The following CELF2 variants were observed in gnomAD, a reference collection of about 807,000 sequenced individuals.
CELF2 encodes the protein CUGBP Elav-like family member 2, also known as CUG triplet repeat RNA-binding protein 2.
CELF2 carries 8 observed loss-of-function variants against 62.6 expected under a neutral mutation model. The observed-to-expected ratio is 0.13, with a 90% CI of 0.07 to 0.23. The LOEUF is 0.23. Among genes scored for constraint, CELF2 ranks in the 10% least tolerant of loss-of-function variants. The pLI is 1.00. For synonymous variants in CELF2, 258 were observed against 250.0 expected (o/e 1.03, Z -0.30); for missense variants, 333 against 671.0 (o/e 0.50, Z 5.56).
intron 5 of CELF2, among the ~76,000 whole-genome samples, chr10:11,258,470 G>C (rs1166640233): frequency 6.6e-6 from 1 of 152,170 alleles, no homozygotes; most frequent in Non-Finnish European, 1.5e-5. Context: ...AAGATTGTAG[G>C]CACTTCTTTG....
In CELF2 at chr10:11,311,624, T is replaced by C. The variant is rs761434569; in HGVS notation, c.977-2515T>C. Among the ~76,000 whole-genome samples the C allele has an allele frequency of 1.3e-4, 20 of 152,102 alleles. No homozygotes were observed. Among genetic ancestry groups the C allele is most frequent in the Non-Finnish European group, 2.8e-4 (19 of 68,020 alleles). On this transcript the variant is annotated intron_variant, in intron 9 of 12. Transcript: ENST00000633077. The surrounding 1 kb of genome is among the most constrained non-coding windows in gnomAD (Gnocchi z 4.7). ...TGAAAAGCGAAAAAGCCACTGATTATGAAAAATGACCAATCATGTTGATAA... is the reference window on the plus strand; with the variant it reads ...TGAAAAGCGAAAAAGCCACTGATTACGAAAAATGACCAATCATGTTGATAA...
In CELF2 at chr10:11,275,071, C is replaced by T. The variant is rs773778927; in HGVS notation, c.792C>T (p.Ala264=). 2 of 1,614,194 alleles carry T rather than the reference C, an allele frequency of 1.2e-6. No individual in the cohort carries two copies. The highest frequency in any genetic ancestry group is 3.3e-5 in the Admixed American group (2 of 60,038). Residue 264 remains alanine, a synonymous_variant, in exon 8 of 13, where the codon GCC becomes GCT. Transcript: ENST00000633077. Reference sequence around the variant, plus strand: ...TTCATCCGCAGCTCCTGCAGCAGGCCACCTCCTCCAGCAACCTGGGTGCGT... The same window carrying T: ...TTCATCCGCAGCTCCTGCAGCAGGCTACCTCCTCCAGCAACCTGGGTGCGT... ...TPQYLALLQQ[A]TSSSNLGAFS... is the part of the protein sequence containing the mutation.
At position 11,319,248 on chromosome 10, in the gene CELF2, T is replaced by A. The variant is rs1267215528; in HGVS notation, c.1097-1941T>A. On this transcript the variant is annotated intron_variant, in intron 10 of 12. Coordinates refer to ENST00000633077, the MANE Select transcript of CELF2 (RefSeq NM_001326342.2). This position sits in a 1 kb window ranked among gnomAD's most constrained non-coding sequence, Gnocchi z 4.4. ...AGACCAACAGAATTTATCAGCAGCGTCCAGCCCTTCCCGAGTTATTGTACA... is the reference window on the plus strand; with the variant it reads ...AGACCAACAGAATTTATCAGCAGCGACCAGCCCTTCCCGAGTTATTGTACA... The A allele has an allele frequency of 2.6e-6, 1 of 381,924 alleles. No individual in the cohort carries two copies. The highest frequency in any genetic ancestry group is 5.3e-6 in the Non-Finnish European group (1 of 187,032). 23.7% of individuals were successfully genotyped at this position (381,924 alleles called of 1,614,324 possible). A position where few individuals can be genotyped will look rare whatever the true frequency, so the allele number is the denominator to read the frequency against.
intron 1 of CELF2, among the ~76,000 whole-genome samples, chr10:11,028,975 A>G (rs1593470189): frequency 6.6e-6 from 1 of 152,094 alleles, no homozygotes; most frequent in Admixed American, 6.5e-5. Flanking sequence ...TGGCCTTCCA[A>G]AGTTCTGGGA....
the CELF2 span, among the ~76,000 whole-genome samples, chr10:10,748,747 C>CA: frequency 0.085 from 3,119 of 36,740 alleles, 329 homozygotes; most frequent in African/African-American, 0.12. Flanking sequence ...GACTCTGTCT[C>CA]AAAAAAAAAA....
chr10:10,856,993 A>G (rs1192655065), intron 1 of CELF2, among the ~76,000 whole-genome samples: 1 of 152,164 alleles, frequency 6.6e-6, no homozygotes, highest in Admixed American at 6.6e-5. Context: ...TTTTAGAGAA[A>G]GGAAATAAAT....
chr10:11,002,408 A>G (rs758713242), upstream of CELF2, among the ~76,000 whole-genome samples: 4 of 152,196 alleles, frequency 2.6e-5, no homozygotes, highest in African/African-American at 4.8e-5. This position sits in a 1 kb window ranked among gnomAD's most constrained non-coding sequence, Gnocchi z 4.4. Context: ...GGTTATTACT[A>G]TCACATTAGG....
the CELF2 span, among the ~76,000 whole-genome samples, chr10:10,524,744 C>T: frequency 6.6e-6 from 1 of 152,046 alleles, no homozygotes; most frequent in South Asian, 2.1e-4. Flanking sequence ...TGAGCATGTT[C>T]TTTTGAGTTG....
At chr10:10,772,296 A>G in the CELF2 span, among the ~76,000 whole-genome samples, 1,091 of 152,242 alleles carry the variant, frequency 7.2e-3, 16 homozygotes, top group African/African-American at 0.025. Flanking sequence ...CAACTATATG[A>G]TCTTGGGGTG....
intron 1 of CELF2, among the ~76,000 whole-genome samples, chr10:10,803,148 A>G (rs938530875): frequency 3.3e-5 from 5 of 152,142 alleles, no homozygotes; most frequent in South Asian, 2.1e-4. Context: ...GCTACCTCCT[A>G]ACAAGACTCC....
At chr10:10,656,958 C>T in the CELF2 span, among the ~76,000 whole-genome samples, 3 of 145,836 alleles carry the variant, frequency 2.1e-5, no homozygotes, top group African/African-American at 7.5e-5. Context: ...CACAAAAAAA[C>T]TTACACATTA....
At chr10:10,777,020 C>T in the CELF2 span, among the ~76,000 whole-genome samples, 1 of 152,208 alleles carries the variant, frequency 6.6e-6, no homozygotes, top group Non-Finnish European at 1.5e-5. Context: ...CCATGGTCTC[C>T]ATCTCTCCAG....
rs74676371 is a variant in CELF2, at chr10:11,089,324, C to T, written c.74+71161C>T. ...GTTAACACTTGCTGAGTTTGAGGTG[C>T]GCATAGGATTTTGAAGGTGAAAAGG... On this transcript the variant is annotated intron_variant, in intron 1 of 12. Coordinates refer to ENST00000633077, the MANE Select transcript of CELF2 (RefSeq NM_001326342.2). 1.0e-3 allele frequency among the ~76,000 whole-genome samples: 159 copies of T among 152,210 alleles called. 2 individuals are homozygous for T. In the East Asian group the frequency reaches 0.025, roughly 24 times the overall value.
chr10:10,961,601 C>T (rs1156355443), intron 2 of CELF2, among the ~76,000 whole-genome samples: 2 of 150,792 alleles, frequency 1.3e-5, no homozygotes, highest in Non-Finnish European at 3.0e-5. Context: ...ACAAAATTAG[C>T]CGGGTGTGGT....
At position 11,269,327 on chromosome 10, in the gene CELF2, A is replaced by G. The variant is rs117828136; in HGVS notation, c.619-1339A>G. On this transcript the variant is annotated intron_variant, in intron 6 of 12. Coordinates refer to ENST00000633077, the MANE Select transcript of CELF2 (RefSeq NM_001326342.2). This position sits in a 1 kb window ranked among gnomAD's most constrained non-coding sequence, Gnocchi z 4.4. The stretch of plus-strand genomic sequence containing the variant: ...CTGGAAGTTTAACACTGAAATATTC[A>G]TCTCATTTTTCTCACTTTTTTTTAT... 0.015 allele frequency among the ~76,000 whole-genome samples: 2,309 copies of G among 152,302 alleles called. 27 individuals carry two copies. Among genetic ancestry groups the G allele is most frequent in the Non-Finnish European group, 0.025 (1,704 of 68,008 alleles).
chr10:10,658,589 T>C, the CELF2 span, among the ~76,000 whole-genome samples: 17 of 152,324 alleles, frequency 1.1e-4, no homozygotes, highest in South Asian at 3.5e-3. Flanking sequence ...CTTTTATAAA[T>C]GTGTTTTATC....
intron 2 of CELF2, among the ~76,000 whole-genome samples, chr10:11,166,948 C>T (rs1487528381): frequency 6.6e-6 from 1 of 152,184 alleles, no homozygotes; most frequent in African/African-American, 2.4e-5. Context: ...GGCCAGTACT[C>T]GTTTTAGAAA....
rs983321299 is a variant in CELF2, at chr10:10,931,456, A to T, written c.89+11457A>T. On this transcript the variant is annotated intron_variant, in intron 2 of 13. Transcript: ENST00000636488. The surrounding 1 kb of genome is among the most constrained non-coding windows in gnomAD (Gnocchi z 6.1). ...CTGGAAACATGATTATCCAGTGAGT[A>T]AGTGGAAACTCTATTTACCACCACA... Among the ~76,000 whole-genome samples, 1 of 152,162 alleles carries T rather than the reference A, an allele frequency of 6.6e-6. No homozygotes were observed. The highest frequency in any genetic ancestry group is 1.5e-5 in the Non-Finnish European group (1 of 68,034).
In CELF2 at chr10:10,931,017, GA is replaced by G. The variant is rs1188421879; in HGVS notation, c.89+11019del. Among the ~76,000 whole-genome samples the G allele has an allele frequency of 6.6e-6, 1 of 152,152 alleles. No individual in the cohort carries two copies. The highest frequency in any genetic ancestry group is 2.4e-5 in the African/African-American group (1 of 41,434). On this transcript the variant is annotated intron_variant, in intron 2 of 13. Coordinates refer to the CELF2 transcript ENST00000636488. This position sits in a 1 kb window ranked among gnomAD's most constrained non-coding sequence, Gnocchi z 6.1. ...ACCTTCTTAAATATTGGCTTCCACT[GA>G]TGTTTGGGATTGTCGAGCTACCAAG...
Sources: gnomAD v4.1 joint callset for allele counts (sites outside exome capture counted in the v4.1 genomes callset) on GRCh38, gnomAD v4.1.1 for gene constraint, Gnocchi (gnomAD v3.1) non-coding constraint, MANE v1.5 for transcripts, NCBI Gene and HGNC (gene_info 2026-07-23, HGNC 2026-07-21) for gene names.